The following PRR16 variants were observed in gnomAD, a reference collection of about 807,000 sequenced individuals.
PRR16 encodes proline rich 16.
PRR16 carries 6 observed loss-of-function variants against 18.2 expected under a neutral mutation model. That is an observed-to-expected ratio of 0.33 (90% CI 0.18 to 0.65). The LOEUF is 0.65. PRR16 is among the 30% of genes least tolerant of loss of function. The pLI, the probability that PRR16 is intolerant of heterozygous loss-of-function variation, is 0.74. For synonymous variants in PRR16, 151 were observed against 147.8 expected (o/e 1.02, Z -0.16); for missense variants, 412 against 376.6 (o/e 1.09, Z -0.78).
At chr5:120,699,579 A>G in the PRR16 span, among the ~76,000 whole-genome samples, 1 of 152,192 alleles carries the variant, frequency 6.6e-6, no homozygotes, top group African/African-American at 2.4e-5. Context: ...ATGAGGAAGA[A>G]AATAGATTTT....
chr5:120,783,109 T>C, the PRR16 span, among the ~76,000 whole-genome samples: 13 of 152,162 alleles, frequency 8.5e-5, no homozygotes, highest in Admixed American at 3.3e-4. Flanking sequence ...AGAATCACAA[T>C]TGCATTTTAG....
chr5:120,517,082 CA>C (rs1305547396), intron 1 of PRR16, among the ~76,000 whole-genome samples: 1 of 151,844 alleles, frequency 6.6e-6, no homozygotes, highest in East Asian at 1.9e-4. Context: ...AAATTGCTAG[CA>C]AAAAAATCTT....
chr5:120,628,670 T>C (rs2405959), intron 1 of PRR16, among the ~76,000 whole-genome samples: 49,179 of 103,034 alleles, frequency 0.48, 9,442 homozygotes, highest in Middle Eastern at 0.6. Flanking sequence ...TACCTACCTA[T>C]CTATCTATCT....
At chr5:120,619,778 G>A (rs10040356) in intron 1 of PRR16, among the ~76,000 whole-genome samples, 8,858 of 151,942 alleles carry the variant, frequency 0.058, 323 homozygotes, top group South Asian at 0.084. Flanking sequence ...ATTTTACTCA[G>A]TAGTTATTGA....
intron 1 of PRR16, among the ~76,000 whole-genome samples, chr5:120,568,410 T>A (rs550866219): frequency 8.5e-5 from 13 of 152,198 alleles, no homozygotes; most frequent in African/African-American, 3.1e-4. Flanking sequence ...TTGTTTATGA[T>A]CAGGGATATG....
intron 1 of PRR16, among the ~76,000 whole-genome samples, chr5:120,627,773 C>T (rs1241927052): frequency 6.6e-6 from 1 of 152,064 alleles, no homozygotes; most frequent in African/African-American, 2.4e-5. Context: ...CCAAAATATT[C>T]TGAATGGCCG....
rs552312641 is a variant in PRR16 at position 120,465,477 on chromosome 5, C to G, written c.159+832C>G. 6.2e-4 allele frequency among the ~76,000 whole-genome samples: 94 copies of G among 152,316 alleles called. 2 individuals carry two copies. The Middle Eastern group carries it at 0.01, about 17-fold the overall frequency. ...CTTCCCCGCTTTTCCTATCCCACTT[C>G]GGTTCAGCCCTACTCCCGCCCGCCC... is the stretch of plus-strand genomic sequence containing the variant. On this transcript the variant is annotated intron_variant, in intron 1 of 1. Transcript: ENST00000407149.
At chr5:120,546,094 AG>A (rs1192408573) in intron 1 of PRR16, among the ~76,000 whole-genome samples, 1 of 152,072 alleles carries the variant, frequency 6.6e-6, no homozygotes, top group Non-Finnish European at 1.5e-5. Context: ...TCATTTTACT[AG>A]TAAGGAAGCT....
chr5:120,477,301 C>G (rs1749473259), intron 1 of PRR16, among the ~76,000 whole-genome samples: 1 of 151,470 alleles, frequency 6.6e-6, no homozygotes, highest in Non-Finnish European at 1.5e-5. Flanking sequence ...TACCATATAG[C>G]AAACTGAACC....
At chr5:120,718,698 G>A in the PRR16 span, among the ~76,000 whole-genome samples, 23 of 151,994 alleles carry the variant, frequency 1.5e-4, no homozygotes. Flanking sequence ...ACTCATCCAT[G>A]GATTACATAG....
intron 1 of PRR16, among the ~76,000 whole-genome samples, chr5:120,488,175 G>A (rs1749884781): frequency 6.6e-6 from 1 of 152,274 alleles, no homozygotes. Context: ...AATGAGTTAG[G>A]GAGGTTTCCC....
chr5:120,575,318 A>AACACACACACACACACACACAC (rs3047956), intron 1 of PRR16, among the ~76,000 whole-genome samples: 59 of 138,256 alleles, frequency 4.3e-4, no homozygotes, highest in South Asian at 2.6e-3. Flanking sequence ...CAGACAAGGA[A>AACACACACACACACACACACAC]ACACACACAC....
At chr5:120,659,743 A>G (rs1381428411) in intron 1 of PRR16, among the ~76,000 whole-genome samples, 3 of 151,936 alleles carry the variant, frequency 2.0e-5, no homozygotes, top group Admixed American at 6.6e-5. Flanking sequence ...TTATACTTGA[A>G]CGGCAGCTTG....
chr5:120,786,689 T>A, the PRR16 span, among the ~76,000 whole-genome samples: 1 of 151,670 alleles, frequency 6.6e-6, no homozygotes, highest in African/African-American at 2.4e-5. Flanking sequence ...TTATGAGACA[T>A]GTCTGTTTAG....
chr5:120,694,123 A>G, the PRR16 span, among the ~76,000 whole-genome samples: 1 of 152,210 alleles, frequency 6.6e-6, no homozygotes, highest in East Asian at 1.9e-4. Context: ...CCTTGAACAA[A>G]TACAAATCAT....
chr5:120,474,023 C>T (rs755272197), intron 1 of PRR16, among the ~76,000 whole-genome samples: 10 of 152,184 alleles, frequency 6.6e-5, no homozygotes, highest in Non-Finnish European at 1.3e-4. Context: ...AGCCCAAGGG[C>T]CTTATAGTGG....
At chr5:120,688,119 A>ATAGC (rs1164437475), downstream of PRR16, among the ~76,000 whole-genome samples, 1 of 152,228 alleles carries the variant, frequency 6.6e-6, no homozygotes, top group Non-Finnish European at 1.5e-5. Flanking sequence ...GCACAGGCAG[A>ATAGC]TAGCCTTCAA....
At chr5:120,782,976 A>G in the PRR16 span, among the ~76,000 whole-genome samples, 1 of 152,264 alleles carries the variant, frequency 6.6e-6, no homozygotes, top group Admixed American at 6.5e-5. Context: ...CACACTTACT[A>G]AATATCCTCA....
the PRR16 span, among the ~76,000 whole-genome samples, chr5:120,775,650 G>A: frequency 1.7e-4 from 21 of 121,878 alleles, no homozygotes; most frequent in African/African-American, 6.0e-4. Flanking sequence ...TTTTTTTTTA[G>A]ATGGAGTTTC....
Sources: allele counts gnomAD v4.1 joint callset (sites outside exome capture counted in the v4.1 genomes callset), GRCh38; gene constraint gnomAD v4.1.1; transcripts MANE v1.5; gene names NCBI Gene and HGNC (gene_info 2026-07-23, HGNC 2026-07-21).